The following CD99L2 variants were observed in gnomAD, a reference collection of about 807,000 sequenced individuals.
CD99L2 encodes CD99 antigen-like protein 2.
A neutral mutation model predicts 27.3 loss-of-function variants in CD99L2; 24 were observed. That is an observed-to-expected ratio of 0.88 (90% CI 0.64 to 1.24). CD99L2 has a LOEUF of 1.24. CD99L2 is among the 50% of genes most tolerant of loss of function. The pLI is 0.00. For synonymous variants in CD99L2, 97 were observed against 87.9 expected (o/e 1.10, Z -0.58); for missense variants, 255 against 221.6 (o/e 1.15, Z -0.96).
intron 1 of CD99L2, among the ~76,000 whole-genome samples, chrX:150,858,415 T>C (rs1392288708): frequency 8.9e-6 from 1 of 112,857 alleles, no homozygotes; most frequent in Non-Finnish European, 1.9e-5. Flanking sequence ...GAATGCACAT[T>C]CTTCTCATCA....
At chrX:150,812,957 A>G (rs1417123976) in intron 4 of CD99L2, among the ~76,000 whole-genome samples, 1 of 111,098 alleles carries the variant, frequency 9.0e-6, no homozygotes, top group Admixed American at 9.5e-5. Flanking sequence ...TTACATTTAC[A>G]TAACATTTTT....
intron 7 of CD99L2, among the ~76,000 whole-genome samples, chrX:150,780,544 G>T (rs1219723809): frequency 9.0e-6 from 1 of 111,653 alleles, no homozygotes; most frequent in Non-Finnish European, 1.9e-5. Context: ...CAACCCAAAG[G>T]TTCATCAACT....
chrX:150,861,141 CAAAA>C (rs782255590), intron 1 of CD99L2, among the ~76,000 whole-genome samples: 1 of 40,912 alleles, frequency 2.4e-5, no homozygotes. Flanking sequence ...GACTCTGTCT[CAAAA>C]AAAAAAAAAA....
At chrX:150,817,219 AAAT>A (rs1569565979) in intron 2 of CD99L2, among the ~76,000 whole-genome samples, 147 of 108,069 alleles carry the variant, frequency 1.4e-3, no homozygotes, top group African/African-American at 4.8e-3. Flanking sequence ...AAAAATAAAT[AAAT>A]AAATAAATAA....
At chrX:150,771,663 G>A in intron 9 of CD99L2, 1 of 641,743 alleles carries the variant, frequency 1.6e-6, no homozygotes, top group Non-Finnish European at 2.4e-6. Flanking sequence ...GTAAGCTAAA[G>A]ATGGTCCTGG....
Position 150,814,845 on chromosome X carries a change from A to G in CD99L2, c.277+17T>C. 8.5e-7 allele frequency: 1 copy of G among 1,176,856 alleles called. No individual in the cohort carries two copies. The highest frequency in any genetic ancestry group is 1.2e-6 in the Non-Finnish European group (1 of 864,117). On this transcript the variant is annotated intron_variant, in intron 4 of 10. Transcript: ENST00000370377. ...TGAGACAGAATCCTGTAGTAGTTTC[A>G]ACCAGCAAAGACTTACCTCTTCCTC...
chrX:150,793,775 A>G lies in CD99L2; in HGVS notation c.431-19T>C, dbSNP rs782415402. Reference sequence around the variant, plus strand: ...GAAAAACCTGGAGAAAATAAAACATACATTTCAACAACAAGAAAAAAAAAT... The same window carrying G: ...GAAAAACCTGGAGAAAATAAAACATGCATTTCAACAACAAGAAAAAAAAAT... On this transcript the variant is annotated intron_variant, in intron 6 of 10. Transcript: ENST00000370377. 1.7e-6 allele frequency: 2 copies of G among 1,145,470 alleles called. No homozygotes were observed. The highest frequency in any genetic ancestry group is 3.9e-5 in the South Asian group (2 of 50,796). The allele number at this position is 1,145,470 out of a possible 1,213,427, so 94.4% of individuals were successfully genotyped here. A position where few individuals can be genotyped will look rare whatever the true frequency, so the allele number is the denominator to read the frequency against.
rs73609534 is a variant in CD99L2 at position 150,793,928 on chromosome X, G to A, written c.431-172C>T. On this transcript the variant is annotated intron_variant, in intron 6 of 10. Transcript: ENST00000370377. Reference sequence around the variant, plus strand: ...CCCCTCCCACTGGTGTACATGTCCCGCATAATGTCCCACCACTCTGAGTGT... The same window carrying A: ...CCCCTCCCACTGGTGTACATGTCCCACATAATGTCCCACCACTCTGAGTGT... Among the ~76,000 whole-genome samples, 271 of 111,104 alleles carry A rather than the reference G, an allele frequency of 2.4e-3. 1 individual carries two copies. The highest frequency in any genetic ancestry group is 7.6e-3 in the African/African-American group (233 of 30,556).
intron 1 of CD99L2, among the ~76,000 whole-genome samples, chrX:150,895,380 G>C (rs1160008929): frequency 1.8e-5 from 2 of 111,830 alleles, no homozygotes; most frequent in Admixed American, 9.5e-5. Context: ...TTAGAACAAA[G>C]ATAACTTGTT....
At chrX:150,770,049 C>G (rs1364517289) in intron 10 of CD99L2, among the ~76,000 whole-genome samples, 2 of 112,869 alleles carry the variant, frequency 1.8e-5, no homozygotes, top group Non-Finnish European at 3.7e-5. Context: ...CTCGGACGGA[C>G]GAATCAAGGG....
chrX:150,867,273 G>C (rs1382145685), intron 1 of CD99L2, among the ~76,000 whole-genome samples: 1 of 110,655 alleles, frequency 9.0e-6, no homozygotes, highest in Non-Finnish European at 1.9e-5. Flanking sequence ...AGCCAGGTGT[G>C]GGGGGACACG....
rs1411189059 is a variant in CD99L2 at position 150,768,678 on chromosome X, CT to C, written c.*355del. Reference sequence around the variant, plus strand: ...GGTCACAGTCCCTTGAGTTCAAACTCTTGTCCCCTAAGCATAAATGTCATCA... The same window carrying C: ...GGTCACAGTCCCTTGAGTTCAAACTCTGTCCCCTAAGCATAAATGTCATCA... On this transcript the variant is annotated 3_prime_UTR_variant, in exon 11 of 11. Coordinates refer to ENST00000370377, the MANE Select transcript of CD99L2 (RefSeq NM_031462.4). The C allele has an allele frequency of 1.9e-4, 42 of 223,254 alleles. No individual in the cohort carries two copies. Among genetic ancestry groups the C allele is most frequent in the African/African-American group, 1.1e-3 (37 of 34,545 alleles). The allele number at this position is 223,254 out of a possible 1,213,427, so 18.4% of individuals were successfully genotyped here.
intron 2 of CD99L2, among the ~76,000 whole-genome samples, chrX:150,826,628 A>G (rs1221054763): frequency 8.9e-6 from 1 of 111,982 alleles, no homozygotes; most frequent in Non-Finnish European, 1.9e-5. Context: ...GTGATAGGTA[A>G]AGGATACAAT....
chrX:150,868,178 A>G (rs2047101194), intron 1 of CD99L2, among the ~76,000 whole-genome samples: 1 of 110,796 alleles, frequency 9.0e-6, no homozygotes, highest in Non-Finnish European at 1.9e-5. Flanking sequence ...CATTTCAAAC[A>G]TTTATCATTT....
chrX:150,771,711 G>T, intron 9 of CD99L2: 1 of 1,000,229 alleles, frequency 1.0e-6, no homozygotes, highest in Non-Finnish European at 1.4e-6. Context: ...AAGCAGGAGG[G>T]AGAAGAGCGG....
At chrX:150,842,330 C>T (rs2046634445) in intron 1 of CD99L2, among the ~76,000 whole-genome samples, 1 of 111,771 alleles carries the variant, frequency 8.9e-6, no homozygotes, top group Non-Finnish European at 1.9e-5. Flanking sequence ...TGGGAAGGAA[C>T]ACAAGCTTGA....
rs111856657 is a variant in CD99L2, at chrX:150,883,974, G to A, written c.67+14548C>T. On this transcript the variant is annotated intron_variant, in intron 1 of 10. Coordinates refer to ENST00000370377, the MANE Select transcript of CD99L2 (RefSeq NM_031462.4). ...TCTGACAATACCAAGCGCTGGTGAG[G>A]CTGGCACAACAACTTTTTTACACTG... is the stretch of plus-strand genomic sequence containing the variant. 3.0e-3 allele frequency among the ~76,000 whole-genome samples: 337 copies of A among 111,013 alleles called. 2 individuals carry two copies. Among genetic ancestry groups the A allele is most frequent in the African/African-American group, 0.01 (320 of 30,708 alleles).
intron 1 of CD99L2, among the ~76,000 whole-genome samples, chrX:150,855,620 A>G (rs782376057): frequency 3.6e-5 from 4 of 111,699 alleles, no homozygotes; most frequent in Non-Finnish European, 5.6e-5. Context: ...GAGGATCACA[A>G]TGAGACATGA....
chrX:150,824,301 AGAAGAG>A (rs1306368618), intron 2 of CD99L2, among the ~76,000 whole-genome samples: 1 of 79,407 alleles, frequency 1.3e-5, no homozygotes, highest in East Asian at 4.4e-4. Flanking sequence ...AAGAAGAAGA[AGAAGAG>A]GAGGAGGAGG....
Sources: gnomAD v4.1 joint callset for allele counts (sites outside exome capture counted in the v4.1 genomes callset) on GRCh38, gnomAD v4.1.1 for gene constraint, MANE v1.5 for transcripts, NCBI Gene and HGNC (gene_info 2026-07-23, HGNC 2026-07-21) for gene names.